Variants in SPOCK1 observed in about 807,000 individuals in gnomAD.
SPOCK1 encodes testican-1.
In SPOCK1, 23 loss-of-function variants were observed where a neutral mutation model predicts 55.3. The observed-to-expected ratio is 0.42, with a 90% confidence interval of 0.30 to 0.59. The LOEUF is 0.59. Among genes scored for constraint, SPOCK1 ranks in the 20% least tolerant of loss-of-function variants. The pLI is 0.22. For missense variants in SPOCK1, 499 were observed against 552.5 expected (o/e 0.90, Z 0.97); for synonymous variants, 226 against 221.0 (o/e 1.02, Z -0.20).
chr5:137,161,385 G>A (rs2127052196), intron 3 of SPOCK1, among the ~76,000 whole-genome samples: 1 of 151,940 alleles, frequency 6.6e-6, no homozygotes, highest in African/African-American at 2.4e-5. Flanking sequence ...TATACTCAGG[G>A]CATCCCATGT....
chr5:137,492,620 A>G (rs1423811061), intron 2 of SPOCK1, among the ~76,000 whole-genome samples: 1 of 152,256 alleles, frequency 6.6e-6, no homozygotes, highest in Admixed American at 6.5e-5. Context: ...TCATTTCTTA[A>G]CAAATGAGTC....
chr5:137,164,511 C>T (rs1372088639), intron 3 of SPOCK1, among the ~76,000 whole-genome samples: 1 of 152,160 alleles, frequency 6.6e-6, no homozygotes, highest in African/African-American at 2.4e-5. Flanking sequence ...AGACCCAGTA[C>T]ATTCCCAGCT....
intron 2 of SPOCK1, among the ~76,000 whole-genome samples, chr5:137,424,267 G>T (rs149933631): frequency 5.9e-5 from 9 of 152,290 alleles, no homozygotes; most frequent in African/African-American, 2.2e-4. Flanking sequence ...TGTGGTCCTA[G>T]CTACTCAGGA....
chr5:137,083,904 G>T (rs1056454926), intron 5 of SPOCK1, among the ~76,000 whole-genome samples: 5 of 151,922 alleles, frequency 3.3e-5, no homozygotes, highest in African/African-American at 1.2e-4. Context: ...CAATATCACC[G>T]AGAGGAAAGA....
intron 2 of SPOCK1, among the ~76,000 whole-genome samples, chr5:137,459,582 T>C (rs930098681): frequency 4.6e-5 from 7 of 152,190 alleles, no homozygotes; most frequent in Admixed American, 6.5e-5. Context: ...ACTCCATCTT[T>C]CCGGACTATT....
chr5:137,065,253 A>G (rs530835792), intron 6 of SPOCK1, among the ~76,000 whole-genome samples: 1 of 149,836 alleles, frequency 6.7e-6, no homozygotes, highest in East Asian at 2.0e-4. Context: ...AAGAATCCAT[A>G]TTAGATAGTT....
At chr5:137,268,821 G>C (rs1486192623) in intron 2 of SPOCK1, among the ~76,000 whole-genome samples, 1 of 152,206 alleles carries the variant, frequency 6.6e-6, no homozygotes, top group Non-Finnish European at 1.5e-5. Context: ...GTGAAATCTT[G>C]TGAAATATTT....
At chr5:137,184,466 G>A (rs756569447) in intron 3 of SPOCK1, among the ~76,000 whole-genome samples, 10 of 152,248 alleles carry the variant, frequency 6.6e-5, no homozygotes, top group African/African-American at 9.6e-5. Context: ...TGCCCAGCAC[G>A]GGCAAAGCTT....
chr5:137,069,369 C>T (rs756979848), intron 5 of SPOCK1, among the ~76,000 whole-genome samples: 7 of 152,198 alleles, frequency 4.6e-5, no homozygotes, highest in African/African-American at 1.2e-4. Context: ...GTGCCTAGTA[C>T]GTGCCCAGCA....
At chr5:137,080,697 A>G (rs2127013574) in intron 5 of SPOCK1, among the ~76,000 whole-genome samples, 1 of 152,310 alleles carries the variant, frequency 6.6e-6, no homozygotes, top group Admixed American at 6.5e-5. Flanking sequence ...GAATGAATGA[A>G]TGAATGAGAT....
chr5:136,988,211 C>T (rs1358546768), intron 8 of SPOCK1, among the ~76,000 whole-genome samples: 1 of 152,166 alleles, frequency 6.6e-6, no homozygotes, highest in Non-Finnish European at 1.5e-5. Flanking sequence ...AAGTAACTGA[C>T]TACTTGATTT....
chr5:137,416,030 GAGA>G (rs1465438542), intron 2 of SPOCK1, among the ~76,000 whole-genome samples: 2 of 152,040 alleles, frequency 1.3e-5, no homozygotes, highest in African/African-American at 2.4e-5. Context: ...CAGTCATAAA[GAGA>G]AGAAGTCATA....
intron 6 of SPOCK1, among the ~76,000 whole-genome samples, chr5:136,996,672 CACCAATCAGTGCTCTGTAAAAATGT>C (rs1251424639): frequency 6.6e-6 from 1 of 152,116 alleles, no homozygotes; most frequent in Non-Finnish European, 1.5e-5. Context: ...TTATAAAATG[CACCAATCAGTGCTCTGTAAAAATGT>C]ACCAATCAGC....
intron 6 of SPOCK1, among the ~76,000 whole-genome samples, chr5:137,043,516 C>G (rs998618126): frequency 2.6e-5 from 4 of 152,066 alleles, no homozygotes; most frequent in Non-Finnish European, 4.4e-5. Context: ...AGTAGAGAAG[C>G]CTGACAAACA....
At chr5:137,245,776 C>CAAAAAAAAAAAAAAAAAAA (rs143599362) in intron 3 of SPOCK1, among the ~76,000 whole-genome samples, 1 of 140,870 alleles carries the variant, frequency 7.1e-6, no homozygotes, top group Non-Finnish European at 1.6e-5. Flanking sequence ...CAAAACAAAA[C>CAAAAAAAAAAAAAAAAAAA]AAAAAAAAAA....
chr5:137,324,121 TA>T (rs1758031256), intron 2 of SPOCK1, among the ~76,000 whole-genome samples: 1 of 152,100 alleles, frequency 6.6e-6, no homozygotes, highest in Admixed American at 6.5e-5. Flanking sequence ...GGTGTACAAA[TA>T]CACAAGAATA....
At chr5:137,201,778 G>A (rs765644612) in intron 3 of SPOCK1, among the ~76,000 whole-genome samples, 64 of 152,096 alleles carry the variant, frequency 4.2e-4, no homozygotes, top group Non-Finnish European at 5.0e-4. Flanking sequence ...TACAGTAAAC[G>A]GTACACACTG....
intron 2 of SPOCK1, among the ~76,000 whole-genome samples, chr5:137,492,514 G>A (rs759069631): frequency 7.2e-5 from 11 of 152,164 alleles, no homozygotes; most frequent in African/African-American, 2.7e-4. Flanking sequence ...GAATTTTTTA[G>A]TTATACAAGC....
At chr5:137,287,345 C>G (rs1259714965) in intron 2 of SPOCK1, among the ~76,000 whole-genome samples, 1 of 152,162 alleles carries the variant, frequency 6.6e-6, no homozygotes, top group Admixed American at 6.5e-5. Flanking sequence ...AACCAAACAC[C>G]ACCAGAAGCG....
Sources: allele counts gnomAD v4.1 joint callset (sites outside exome capture counted in the v4.1 genomes callset), GRCh38; gene constraint gnomAD v4.1.1; transcripts MANE v1.5; gene names NCBI Gene and HGNC (gene_info 2026-07-23, HGNC 2026-07-21).